The following PPP1R26 variants were observed in gnomAD, a reference collection of about 807,000 sequenced individuals.
The protein encoded by PPP1R26 is 1A6/DRIM (down-regulated in metastasis) interacting protein.
PPP1R26 carries 22 observed loss-of-function variants against 67.6 expected under a neutral mutation model. The ratio of observed to expected loss-of-function variants is 0.33; its 90% CI spans 0.23 to 0.46. The LOEUF (loss-of-function observed/expected upper bound fraction) is 0.46, where lower values mean the gene tolerates loss of function less well. Among genes scored for constraint, PPP1R26 ranks in the 20% least tolerant of loss-of-function variants. The pLI is 1.00. For synonymous variants in PPP1R26, 729 were observed against 717.2 expected (o/e 1.02, Z -0.26); for missense variants, 1,602 against 1,651.4 (o/e 0.97, Z 0.52).
At position 135,484,798 on chromosome 9, in the gene PPP1R26, G is replaced by A. The variant is rs1232352035; in HGVS notation, c.288G>A (p.Leu96=). 8.7e-6 allele frequency: 14 copies of A among 1,611,046 alleles called. No individual in the cohort carries two copies. Among genetic ancestry groups the A allele is most frequent in the Non-Finnish European group, 1.1e-5 (13 of 1,179,818 alleles). The stretch of plus-strand genomic sequence containing the variant: ...CCGTGCACAAGGAGCCACCCGCGTT[G>A]GCTGTCTGTGGTCTCGTTGCTGACT... ...KPTVHKEPPA[L]AVCGLVADFD... Residue 96 remains leucine, a synonymous_variant, in exon 4 of 4, where the codon TTG becomes TTA. Transcript: ENST00000356818.
At position 135,487,113 on chromosome 9, in the gene PPP1R26, C is replaced by T. The variant is rs777825980; in HGVS notation, c.2603C>T (p.Thr868Ile). 1.2e-6 allele frequency: 2 copies of T among 1,611,476 alleles called. No individual in the cohort carries two copies. The highest frequency in any genetic ancestry group is 1.7e-6 in the Non-Finnish European group (2 of 1,179,994). Residue 868 changes from threonine to isoleucine, a missense_variant, in exon 4 of 4, where the codon ACA (threonine) becomes ATA (isoleucine). Transcript: ENST00000356818. ...GCAGAGGGCCCCACCGCTCTTGGGA[C>T]AGGGGGCCCAGCCAGGCCAGAGGTG... ...VQAEGPTALG[T>I]GGPARPEVLC...
chr9:135,488,146 C>T lies in PPP1R26; in HGVS notation c.*6C>T, dbSNP rs767133883. On this transcript the variant is annotated 3_prime_UTR_variant, in exon 4 of 4. Coordinates refer to ENST00000356818, the MANE Select transcript of PPP1R26 (RefSeq NM_014811.5). ...GCTCAGTAGTGAAGGTCTAAGCCCT[C>T]GAGCTGTGGGTTCGCGTCCTGGGTT... The T allele has an allele frequency of 4.7e-6, 7 of 1,498,266 alleles. No individual in the cohort carries two copies. Among genetic ancestry groups the T allele is most frequent in the East Asian group, 2.3e-5 (1 of 42,878 alleles). The allele number at this position is 1,498,266 out of a possible 1,614,324, so 92.8% of individuals were successfully genotyped here.
intron 1 of PPP1R26, among the ~76,000 whole-genome samples, chr9:135,481,609 A>G (rs1000930688): frequency 1.4e-5 from 2 of 143,664 alleles, no homozygotes; most frequent in Admixed American, 7.0e-5. Context: ...TGGGGAGACG[A>G]CCCCCCTCGA....
intron 1 of PPP1R26, among the ~76,000 whole-genome samples, chr9:135,481,167 T>C (rs1487393443): frequency 6.6e-6 from 1 of 151,808 alleles, no homozygotes; most frequent in Non-Finnish European, 1.5e-5. Context: ...GAGGCAGCAA[T>C]TTGACAAAGC....
chr9:135,482,081 T>A (rs1830541184), intron 1 of PPP1R26, among the ~76,000 whole-genome samples: 4 of 152,202 alleles, frequency 2.6e-5, no homozygotes. Flanking sequence ...TGTCATCTAG[T>A]GTAAAGACAC....
Position 135,482,738 on chromosome 9 carries a change from T to C in PPP1R26, c.-273T>C, listed in dbSNP as rs1014335208. ...ATGCCTCGGTGTGTAAGTGGAGTGA[T>C]GAGGACCTGATCTCTGGGCCGTGTG... is the stretch of plus-strand genomic sequence containing the variant. On this transcript the variant is annotated 5_prime_UTR_variant, in exon 2 of 4. An upstream start codon of the reference 5' UTR is lost. Transcript: ENST00000356818. 1.0e-5 allele frequency: 4 copies of C among 398,492 alleles called. No individual in the cohort carries two copies. Among genetic ancestry groups the C allele is most frequent in the Admixed American group, 8.8e-5 (2 of 22,712 alleles). The allele number at this position is 398,492 out of a possible 1,614,324, so 24.7% of individuals were successfully genotyped here.
rs1031436618 is a variant in PPP1R26 at position 135,481,618 on chromosome 9, G to A, written c.-328-1065G>A. Among the ~76,000 whole-genome samples the A allele has an allele frequency of 2.5e-4, 38 of 150,722 alleles. 1 individual carries two copies. The highest frequency in any genetic ancestry group is 1.8e-3 in the East Asian group (9 of 5,036). On this transcript the variant is annotated intron_variant, in intron 1 of 3. Coordinates refer to ENST00000356818, the MANE Select transcript of PPP1R26 (RefSeq NM_014811.5). ...CTGTCCTGGGGAGACGACCCCCCTCGATTTTTTTTTTTCTTTCTGAGATGG... is the reference window on the plus strand; with the variant it reads ...CTGTCCTGGGGAGACGACCCCCCTCAATTTTTTTTTTTCTTTCTGAGATGG...
chr9:135,485,566 T>C lies in PPP1R26; in HGVS notation c.1056T>C (p.Ser352=), dbSNP rs1430073786. 1 of 1,612,844 alleles carries C rather than the reference T, an allele frequency of 6.2e-7. No homozygotes were observed. Among genetic ancestry groups the C allele is most frequent in the East Asian group, 2.2e-5 (1 of 44,850 alleles). ...SAARRGKRVM[S]AAQASEASDS... The stretch of plus-strand genomic sequence containing the variant: ...CAAGGAGGGGAAAGCGAGTCATGAG[T>C]GCGGCACAGGCGTCCGAGGCGTCCG... Residue 352 remains serine (S), a synonymous_variant, in exon 4 of 4, where the codon AGT becomes AGC. Coordinates refer to ENST00000356818, the MANE Select transcript of PPP1R26 (RefSeq NM_014811.5). This position sits in a 1 kb window ranked among gnomAD's most constrained non-coding sequence, Gnocchi z 7.2.
At chr9:135,482,476 C>T (rs773278867) in intron 1 of PPP1R26, among the ~76,000 whole-genome samples, 3 of 152,134 alleles carry the variant, frequency 2.0e-5, no homozygotes, top group Non-Finnish European at 2.9e-5. Flanking sequence ...TCCAGGATAG[C>T]TATACATTAC....
rs35347705 is a variant in PPP1R26, at chr9:135,487,323, C to T, written c.2813C>T (p.Pro938Leu). ...GCTCCTGCCCGAGGGGATCCGGTGC[C>T]GCCCAGGAGCACCAGCGGCGGTGTC... ...PAAPARGDPV[P>L]PRSTSGGVSA... The change falls in exon 4 of 4, where the codon CCG becomes CTG. Residue 938 changes from proline to leucine, a missense_variant. By Grantham distance (98) the Pro-to-Leu change is moderately conservative. Around this residue, in one of 5 missense-constraint regions of PPP1R26, gnomAD observed 740 missense variants for 696.3 expected, o/e 1.06. Coordinates refer to ENST00000356818, the MANE Select transcript of PPP1R26 (RefSeq NM_014811.5). The T allele has an allele frequency of 1.7e-3, 2,650 of 1,553,748 alleles. 21 individuals are homozygous for T. In the African/African-American group the frequency reaches 0.023, roughly 13 times the overall value.
rs1830803320 is a variant in PPP1R26 at position 135,487,712 on chromosome 9, CGGGGCCTGCCCAGCCT to C, written c.3204_3219del (p.Gly1069ProfsTer80). ...AGACAAGGGGTCCGAGGGCCCCGCC[CGGGGCCTGCCCAGCCT>C]GCCCCTTGCGGGCTTCTCGCCGCTG... On this transcript the variant is annotated frameshift_variant, in exon 4 of 4. Coordinates refer to ENST00000356818, the MANE Select transcript of PPP1R26 (RefSeq NM_014811.5). LOFTEE classifies it high-confidence loss of function. The C allele has an allele frequency of 6.9e-7, 1 of 1,450,730 alleles. No individual in the cohort carries two copies. The highest frequency in any genetic ancestry group is 1.4e-5 in the African/African-American group (1 of 70,000). The allele number at this position is 1,450,730 out of a possible 1,614,324, so 89.9% of individuals were successfully genotyped here. A position where few individuals can be genotyped will look rare whatever the true frequency, so the allele number is the denominator to read the frequency against.
Position 135,484,493 on chromosome 9 carries a change from C to G in PPP1R26, c.-18C>G. The G allele has an allele frequency of 6.5e-7, 1 of 1,549,616 alleles. No individual in the cohort carries two copies. ...AATAAAGCATCGCCCCTCTGCGCGC[C>G]CCTCCCCGTCTGCTAGAATGTTTCT... On this transcript the variant is annotated 5_prime_UTR_variant, in exon 4 of 4. Transcript: ENST00000356818.
In PPP1R26 at chr9:135,487,082, G is replaced by A. The variant is rs370760585; in HGVS notation, c.2572G>A (p.Val858Ile). The A allele has an allele frequency of 1.1e-4, 185 of 1,611,424 alleles. No homozygotes were observed. The highest frequency in any genetic ancestry group is 1.4e-4 in the Non-Finnish European group (167 of 1,179,984). The change falls in exon 4 of 4, where the codon GTT becomes ATT. Residue 858 changes from valine to isoleucine, a missense_variant. Val to Ile is a conservative substitution (Grantham distance 29). Transcript: ENST00000356818. ...CAAGGAGTCAGTGAGCAGTTCAGAA[G>A]TTCAGGCAGAGGGCCCCACCGCTCT... ...KAKESVSSSE[V>I]QAEGPTALGT...
chr9:135,485,838 C>T lies in PPP1R26; in HGVS notation c.1328C>T (p.Thr443Ile), dbSNP rs1381051096. The T allele has an allele frequency of 1.2e-6, 2 of 1,613,318 alleles. No individual in the cohort carries two copies. The highest frequency in any genetic ancestry group is 1.7e-6 in the Non-Finnish European group (2 of 1,180,010). ...GACCCTGGTCCAGGGGGCCTGGACA[C>T]TGACCATGCCCCCAAGCTCCTGAAG... ...TMDPGPGGLD[T>I]DHAPKLLKET... Residue 443 changes from threonine to isoleucine, a missense_variant, in exon 4 of 4, where the codon ACT (threonine) becomes ATT (isoleucine). This residue lies in a region of PPP1R26 where 680 missense variants were observed against 726.1 expected (regional missense o/e 0.94). Coordinates refer to ENST00000356818, the MANE Select transcript of PPP1R26 (RefSeq NM_014811.5). This position sits in a 1 kb window ranked among gnomAD's most constrained non-coding sequence, Gnocchi z 7.2.
chr9:135,482,157 A>C (rs1830543448), intron 1 of PPP1R26, among the ~76,000 whole-genome samples: 2 of 152,232 alleles, frequency 1.3e-5, no homozygotes, highest in Non-Finnish European at 2.9e-5. Context: ...TTGCTGTTTA[A>C]GGAGTCAATA....
chr9:135,486,054 C>T lies in PPP1R26; in HGVS notation c.1544C>T (p.Pro515Leu), dbSNP rs146976488. ...SLSASPLFYS[P>L]NVPSRSDGDS... ...TCCGCAAGCCCACTCTTCTACTCCCCGAACGTGCCTTCCCGCTCTGACGGC... is the reference window on the plus strand; with the variant it reads ...TCCGCAAGCCCACTCTTCTACTCCCTGAACGTGCCTTCCCGCTCTGACGGC... The change falls in exon 4 of 4, where the codon CCG becomes CTG. Residue 515 changes from proline to leucine, a missense_variant. Physicochemically the swap from Pro to Leu is moderately conservative, Grantham distance 98 (BLOSUM62 -3). Transcript: ENST00000356818. The surrounding 1 kb of genome is among the most constrained non-coding windows in gnomAD (Gnocchi z 6.2). 5.1e-5 allele frequency: 83 copies of T among 1,613,190 alleles called. No homozygotes were observed. The African/African-American group carries it at 8.1e-4, about 16-fold the overall frequency.
chr9:135,484,094 C>T lies in PPP1R26; in HGVS notation c.-63+12C>T. 2.4e-6 allele frequency: 1 copy of T among 409,930 alleles called. No individual in the cohort carries two copies. Among genetic ancestry groups the T allele is most frequent in the Non-Finnish European group, 4.3e-6 (1 of 232,446 alleles). 25.4% of individuals were successfully genotyped at this position (409,930 alleles called of 1,614,324 possible). A position where few individuals can be genotyped will look rare whatever the true frequency, so the allele number is the denominator to read the frequency against. ...TGCCAACTTTGGAGGTAAATAAAAC[C>T]TCTCCCCTCTTACAGAGAAGGTGGA... is the stretch of plus-strand genomic sequence containing the variant. On this transcript the variant is annotated intron_variant, in intron 3 of 3. Transcript: ENST00000356818.
In PPP1R26 at chr9:135,486,287, A is replaced by C; in HGVS notation, c.1777A>C (p.Lys593Gln). The change falls in exon 4 of 4, where the codon AAA becomes CAA. Residue 593 changes from lysine to glutamine, a missense_variant. Around this residue, in one of 5 missense-constraint regions of PPP1R26, gnomAD observed 680 missense variants for 726.1 expected, o/e 0.94. Transcript: ENST00000356818. This position sits in a 1 kb window ranked among gnomAD's most constrained non-coding sequence, Gnocchi z 6.2. ...SKTPDPLLGC[K>Q]RKRRGGGHVR... Reference sequence around the variant, plus strand: ...AACACCAGACCCACTGCTGGGCTGCAAAAGGAAGCGTAGAGGTGGTGGCCA... The same window carrying C: ...AACACCAGACCCACTGCTGGGCTGCCAAAGGAAGCGTAGAGGTGGTGGCCA... 1 of 1,612,964 alleles carries C rather than the reference A, an allele frequency of 6.2e-7. No homozygotes were observed. Among genetic ancestry groups the C allele is most frequent in the Non-Finnish European group, 8.5e-7 (1 of 1,180,008 alleles).
At position 135,487,949 on chromosome 9, in the gene PPP1R26, A is replaced by G; in HGVS notation, c.3439A>G (p.Arg1147Gly). The change falls in exon 4 of 4, where the codon AGG (arginine) becomes GGG (glycine). Residue 1147 changes from arginine (R) to glycine (G), a missense_variant. Arg to Gly is a moderately radical substitution (Grantham distance 125, BLOSUM62 -2). Around this residue, in one of 5 missense-constraint regions of PPP1R26, gnomAD observed 740 missense variants for 696.3 expected, o/e 1.06. Transcript: ENST00000356818. ...AKKDGGPWPT[R>G]KAQAGLSLHD... ...GAAGGACGGCGGCCCCTGGCCAACC[A>G]GGAAGGCACAGGCAGGGCTGAGTTT... The G allele has an allele frequency of 1.3e-6, 2 of 1,591,700 alleles. No individual in the cohort carries two copies. Among genetic ancestry groups the G allele is most frequent in the Non-Finnish European group, 1.7e-6 (2 of 1,170,804 alleles).
Sources: gnomAD v4.1 joint callset for allele counts (sites outside exome capture counted in the v4.1 genomes callset) on GRCh38, gnomAD v4.1.1 for gene constraint, gnomAD v4.1.1 regional missense constraint, Gnocchi (gnomAD v3.1) non-coding constraint, MANE v1.5 for transcripts, NCBI Gene and HGNC (gene_info 2026-07-23, HGNC 2026-07-21) for gene names.